LHFPL3: variants seen among roughly 807,000 people sequenced by gnomAD.
LHFPL3 encodes LHFPL tetraspan subfamily member 3, also known as LHFPL tetraspan subfamily member 3 protein.
A neutral mutation model predicts 19.3 loss-of-function variants in LHFPL3; 5 were observed. The ratio of observed to expected loss-of-function variants is 0.26; its 90% CI spans 0.14 to 0.54. The LOEUF (loss-of-function observed/expected upper bound fraction) is 0.54. Ranked by LOEUF, LHFPL3 falls within the 20% of genes least tolerant of loss-of-function variation. The pLI, the probability that LHFPL3 is intolerant of heterozygous loss-of-function variation, is 0.94. For missense variants in LHFPL3, 249 were observed against 307.4 expected (o/e 0.81, Z 1.42); for synonymous variants, 133 against 126.2 (o/e 1.05, Z -0.36).
intron 1 of LHFPL3, among the ~76,000 whole-genome samples, chr7:104,667,273 G>GGGGGA (rs1792374690): frequency 5.9e-5 from 9 of 151,264 alleles, no homozygotes; most frequent in Admixed American, 2.0e-4. Context: ...TTGGGGGGGG[G>GGGGGA]AATCTTTAAT....
chr7:104,370,677 T>A (rs1790596456), intron 1 of LHFPL3, among the ~76,000 whole-genome samples: 1 of 151,920 alleles, frequency 6.6e-6, no homozygotes, highest in Non-Finnish European at 1.5e-5. Flanking sequence ...GTGGTCAGAG[T>A]TCGAGACCAG....
In LHFPL3 at chr7:104,329,157, T is replaced by G. The variant is rs762125743; in HGVS notation, c.378T>G (p.Phe126Leu). The part of the protein sequence containing the change: ...MMLIIACIIC[F>L]TLFFFCNTAT... ...TCATCATTGCCTGCATCATTTGCTT[T>G]ACCCTCTTCTTCTTCTGCAACACGG... The change falls in exon 1 of 3, where the codon TTT becomes TTG. Residue 126 changes from phenylalanine to leucine, a missense_variant. By Grantham distance (22) the Phe-to-Leu change is conservative. Transcript: ENST00000424859. The G allele has an allele frequency of 6.2e-7, 1 of 1,614,048 alleles. No homozygotes were observed. The highest frequency in any genetic ancestry group is 1.1e-5 in the South Asian group (1 of 91,090).
chr7:104,828,577 T>C (rs116124173), intron 2 of LHFPL3, among the ~76,000 whole-genome samples: 2,753 of 151,954 alleles, frequency 0.018, 134 homozygotes, highest in African/African-American at 0.063. Flanking sequence ...CCCTTCTTCA[T>C]TGGGGTGGAG....
At position 104,667,265 on chromosome 7, in the gene LHFPL3, G is replaced by GT. The variant is rs1554422208; in HGVS notation, c.446-69410_446-69409insT. Among the ~76,000 whole-genome samples, 803 of 52,088 alleles carry GT rather than the reference G, an allele frequency of 0.015. 43 individuals carry two copies. In the East Asian group the frequency reaches 0.4, roughly 26 times the overall value. The allele number at this position is 52,088 out of a possible 152,430, so 34.2% of individuals were successfully genotyped here. A position where few individuals can be genotyped will look rare whatever the true frequency, so the allele number is the denominator to read the frequency against. On this transcript the variant is annotated intron_variant, in intron 1 of 2. Coordinates refer to ENST00000424859, the MANE Select transcript of LHFPL3 (RefSeq NM_199000.3). ...CCCTCCTACAATCATCTGTTTTCTTGGGGGGGGGAATCTTTAATTGGCTTA... is the reference window on the plus strand; with the variant it reads ...CCCTCCTACAATCATCTGTTTTCTTGTGGGGGGGGAATCTTTAATTGGCTTA...
chr7:104,354,887 T>C (rs1297293870), intron 1 of LHFPL3, among the ~76,000 whole-genome samples: 2 of 152,198 alleles, frequency 1.3e-5, no homozygotes, highest in Admixed American at 6.5e-5. Context: ...TTTCTACATA[T>C]AGTCAACATA....
intron 1 of LHFPL3, among the ~76,000 whole-genome samples, chr7:104,692,925 C>T (rs552916764): frequency 6.6e-6 from 1 of 152,262 alleles, no homozygotes; most frequent in South Asian, 2.1e-4. Flanking sequence ...ACAACTAGCA[C>T]CATGCAACTA....
intron 1 of LHFPL3, among the ~76,000 whole-genome samples, chr7:104,695,563 G>A (rs2116152668): frequency 6.6e-6 from 1 of 152,314 alleles, no homozygotes; most frequent in East Asian, 1.9e-4. Flanking sequence ...TGAAGCTGCT[G>A]AGACTAAAAA....
intron 1 of LHFPL3, among the ~76,000 whole-genome samples, chr7:104,580,870 TA>T (rs1249867968): frequency 2.0e-5 from 3 of 152,140 alleles, no homozygotes; most frequent in Non-Finnish European, 2.9e-5. Flanking sequence ...GTATCACAAT[TA>T]TTTTTTATCT....
At chr7:104,897,032 G>A (rs1792377467) in intron 2 of LHFPL3, among the ~76,000 whole-genome samples, 1 of 151,426 alleles carries the variant, frequency 6.6e-6, no homozygotes, top group African/African-American at 2.4e-5. Context: ...ATTGCAATGA[G>A]CCAAGATTGC....
At chr7:104,365,796 A>AAAAAAG (rs1790479525) in intron 1 of LHFPL3, among the ~76,000 whole-genome samples, 1 of 137,888 alleles carries the variant, frequency 7.3e-6, no homozygotes, top group African/African-American at 2.6e-5. Context: ...TCAAAAAAAA[A>AAAAAAG]AAAAAAAAAG....
At chr7:104,533,624 T>C (rs1794343140) in intron 1 of LHFPL3, among the ~76,000 whole-genome samples, 1 of 152,214 alleles carries the variant, frequency 6.6e-6, no homozygotes, top group Non-Finnish European at 1.5e-5. Context: ...TTCTTAATCT[T>C]GACCAACTCA....
intron 1 of LHFPL3, among the ~76,000 whole-genome samples, chr7:104,635,394 C>T (rs1562955043): frequency 6.6e-6 from 1 of 152,062 alleles, no homozygotes. Flanking sequence ...AATTGCAGAA[C>T]ATCAGGGAAA....
chr7:104,683,634 G>A (rs927114999), intron 1 of LHFPL3, among the ~76,000 whole-genome samples: 4 of 152,280 alleles, frequency 2.6e-5, no homozygotes, highest in African/African-American at 9.6e-5. Flanking sequence ...TGGGTTCCAG[G>A]AGGAGTGTGT....
At position 104,834,335 on chromosome 7, in the gene LHFPL3, GA is replaced by G. The variant is rs893726157; in HGVS notation, c.683-71842del. 1.5e-4 allele frequency among the ~76,000 whole-genome samples: 22 copies of G among 146,352 alleles called. 1 individual carries two copies. Among genetic ancestry groups the G allele is most frequent in the South Asian group, 4.3e-4 (2 of 4,610 alleles). On this transcript the variant is annotated intron_variant, in intron 2 of 2. Coordinates refer to ENST00000424859, the MANE Select transcript of LHFPL3 (RefSeq NM_199000.3). ...AGACTCCATCTCAAAAAAATAAAAA[GA>G]AAAAAAAAAGGAATAACTGAGTCCT...
At chr7:104,348,085 C>G (rs565815111) in intron 1 of LHFPL3, among the ~76,000 whole-genome samples, 1 of 152,264 alleles carries the variant, frequency 6.6e-6, no homozygotes, top group East Asian at 1.9e-4. Flanking sequence ...GATCTAAGCT[C>G]TATTTAAGAA....
At chr7:104,853,643 A>G (rs1017703261) in intron 2 of LHFPL3, among the ~76,000 whole-genome samples, 9 of 152,262 alleles carry the variant, frequency 5.9e-5, no homozygotes, top group Non-Finnish European at 1.2e-4. Context: ...TTAAAAGTAT[A>G]TATTCAAAAT....
intron 1 of LHFPL3, among the ~76,000 whole-genome samples, chr7:104,517,610 G>A (rs991370808): frequency 2.7e-5 from 4 of 150,604 alleles, no homozygotes; most frequent in Non-Finnish European, 4.4e-5. Context: ...AGGTTCAAGC[G>A]ATCTTCCTGC....
At chr7:104,689,557 C>A (rs1388594751) in intron 1 of LHFPL3, among the ~76,000 whole-genome samples, 2 of 152,182 alleles carry the variant, frequency 1.3e-5, no homozygotes, top group African/African-American at 4.8e-5. Flanking sequence ...GGAGGGGACA[C>A]TGGGTCCCCT....
intron 1 of LHFPL3, among the ~76,000 whole-genome samples, chr7:104,441,447 T>TA (rs1172115012): frequency 1.3e-5 from 2 of 152,234 alleles, no homozygotes; most frequent in Non-Finnish European, 2.9e-5. Flanking sequence ...CAATTGTATG[T>TA]AAATATTACA....
Sources: gnomAD v4.1 joint callset for allele counts (sites outside exome capture counted in the v4.1 genomes callset) on GRCh38, gnomAD v4.1.1 for gene constraint, MANE v1.5 for transcripts, NCBI Gene and HGNC (gene_info 2026-07-23, HGNC 2026-07-21) for gene names.